KIF25: variants seen among roughly 807,000 people sequenced by gnomAD.
The protein encoded by KIF25 is kinesin-like protein KIF25.
In KIF25, 19 loss-of-function variants were observed where a neutral mutation model predicts 32.9. The ratio of observed to expected loss-of-function variants is 0.58; its 90% CI spans 0.40 to 0.85. The LOEUF is 0.85. KIF25 is among the 40% of genes least tolerant of loss of function. KIF25 has a pLI of 0.00. For synonymous variants in KIF25, 225 were observed against 213.7 expected, an observed-to-expected ratio of 1.05 and a Z score of -0.46; for missense variants, 485 against 507.0, an observed-to-expected ratio of 0.96 and a Z score of 0.42.
At chr6:168,027,469 AAAAAAAG>A (rs1217508008) in intron 5 of KIF25, among the ~76,000 whole-genome samples, 1 of 135,884 alleles carries the variant, frequency 7.4e-6, no homozygotes, top group African/African-American at 2.7e-5. Flanking sequence ...AAAAAAAAAA[AAAAAAAG>A]AGAGAGAGAG....
At chr6:168,019,656 G>A (rs914075006) in intron 5 of KIF25, among the ~76,000 whole-genome samples, 1 of 152,168 alleles carries the variant, frequency 6.6e-6, no homozygotes, top group African/African-American at 2.4e-5. Flanking sequence ...GCCCCTGGAC[G>A]GCACACTTGA....
chr6:168,040,433 G>A (rs1799102168), intron 10 of KIF25, among the ~76,000 whole-genome samples: 1 of 152,276 alleles, frequency 6.6e-6, no homozygotes, highest in South Asian at 2.1e-4. Flanking sequence ...GAGTATGGTG[G>A]TGCAAGCCTG....
chr6:168,038,051 G>A (rs1026702527), intron 8 of KIF25, among the ~76,000 whole-genome samples: 7 of 152,120 alleles, frequency 4.6e-5, no homozygotes, highest in Admixed American at 1.3e-4. Flanking sequence ...CTGGTTTTAC[G>A]GGTCTTGCAG....
At chr6:168,032,176 C>A (rs886247366) in intron 7 of KIF25, among the ~76,000 whole-genome samples, 15 of 152,244 alleles carry the variant, frequency 9.9e-5, no homozygotes, top group African/African-American at 3.1e-4. Context: ...TGTCCGGCCC[C>A]CACTTCCCGT....
At position 168,045,024 on chromosome 6, in the gene KIF25, CTG is replaced by C. The variant is rs554850107; in HGVS notation, c.*32_*33del. ...GCATTAACAAGTTTTTCTCCTAAAA[CTG>C]TGTTTCTTGTCCTTGCTTTATAATG... On this transcript the variant is annotated 3_prime_UTR_variant, in exon 13 of 13. Coordinates refer to ENST00000643607, the MANE Select transcript of KIF25 (RefSeq NM_030615.4). 3.8e-6 allele frequency: 6 copies of C among 1,566,268 alleles called. No individual in the cohort carries two copies. The South Asian group carries it at 7.0e-5, about 18-fold the overall frequency.
At chr6:168,034,692 G>T (rs1053390261) in intron 8 of KIF25, among the ~76,000 whole-genome samples, 5 of 152,122 alleles carry the variant, frequency 3.3e-5, no homozygotes, top group Non-Finnish European at 7.3e-5. Flanking sequence ...TCCTTCCGTC[G>T]CCCTTCCTCC....
At chr6:168,000,668 T>C (rs1798488003) in intron 2 of KIF25, among the ~76,000 whole-genome samples, 1 of 146,678 alleles carries the variant, frequency 6.8e-6, no homozygotes, top group African/African-American at 2.5e-5. Context: ...CCCACTCCCA[T>C]CCTGACCACA....
chr6:168,022,624 A>G (rs1241413197), intron 5 of KIF25, among the ~76,000 whole-genome samples: 4 of 151,914 alleles, frequency 2.6e-5, no homozygotes, highest in Admixed American at 6.6e-5. Context: ...AGAATGTTCT[A>G]TTGTGTCTGG....
In KIF25 at chr6:167,998,466, T is replaced by C. The variant is rs1398885802; in HGVS notation, c.-1003T>C. ...CATGACAGGGTGGATAAACTTGCTG[T>C]GGATCCAAGACAAGATTTCAGAATG... On this transcript the variant is annotated 5_prime_UTR_variant, in exon 1 of 13. Transcript: ENST00000643607. The C allele has an allele frequency of 6.6e-6, 1 of 152,192 alleles. No homozygotes were observed. Among genetic ancestry groups the C allele is most frequent in the Non-Finnish European group, 1.5e-5 (1 of 68,042 alleles). The allele number at this position is 152,192 out of a possible 1,614,324, so 9.4% of individuals were successfully genotyped here.
At chr6:168,004,860 G>C (rs748892075) in intron 4 of KIF25, among the ~76,000 whole-genome samples, 2 of 152,212 alleles carry the variant, frequency 1.3e-5, no homozygotes, top group African/African-American at 4.8e-5. Flanking sequence ...GTGGGACACA[G>C]TGGGACTGAT....
intron 11 of KIF25, 100 bp from the exon 12 acceptor site, chr6:168,042,461 C>G: frequency 6.9e-7 from 1 of 1,455,546 alleles, no homozygotes; most frequent in Non-Finnish European, 9.4e-7. Flanking sequence ...ATGGCCTCCC[C>G]TCTACCTGCC....
intron 4 of KIF25, among the ~76,000 whole-genome samples, chr6:168,009,585 T>C (rs1187012498): frequency 2.0e-5 from 3 of 152,170 alleles, no homozygotes; most frequent in Non-Finnish European, 4.4e-5. Context: ...GCTGGCCTTG[T>C]AGAATGAGTT....
At chr6:168,039,676 C>T (rs748921697) in intron 9 of KIF25, among the ~76,000 whole-genome samples, 24 of 152,226 alleles carry the variant, frequency 1.6e-4, no homozygotes, top group Non-Finnish European at 2.9e-4. Context: ...CTCTGATTAG[C>T]AGTCATATCT....
intron 5 of KIF25, among the ~76,000 whole-genome samples, chr6:168,027,657 C>T (rs529071575): frequency 3.3e-5 from 5 of 152,176 alleles, no homozygotes; most frequent in South Asian, 2.1e-4. Flanking sequence ...CCACTGGCAC[C>T]GGGACCGCCC....
chr6:168,006,867 G>A (rs1419586106), intron 4 of KIF25, among the ~76,000 whole-genome samples: 1 of 152,154 alleles, frequency 6.6e-6, no homozygotes, highest in African/African-American at 2.4e-5. Context: ...TTAGTTAACG[G>A]ACTGATAGCC....
At chr6:168,023,269 CTTTTT>C (rs34667438) in intron 5 of KIF25, among the ~76,000 whole-genome samples, 5 of 111,912 alleles carry the variant, frequency 4.5e-5, no homozygotes, top group East Asian at 2.9e-4. Flanking sequence ...TTCCTTCTTC[CTTTTT>C]TTTTTTTTTT....
intron 4 of KIF25, among the ~76,000 whole-genome samples, chr6:168,012,369 A>G (rs1001444572): frequency 3.9e-5 from 6 of 152,166 alleles, no homozygotes; most frequent in Non-Finnish European, 7.3e-5. Flanking sequence ...ATGGTTCTAG[A>G]TGGACACAGC....
intron 4 of KIF25, among the ~76,000 whole-genome samples, chr6:168,013,926 CCTTT>C (rs904055585): frequency 6.6e-6 from 1 of 152,082 alleles, no homozygotes; most frequent in African/African-American, 2.4e-5. Context: ...TTGCCTTGGT[CCTTT>C]CTTGGGCAGA....
intron 4 of KIF25, among the ~76,000 whole-genome samples, chr6:168,005,716 T>C (rs557900149): frequency 2.6e-5 from 4 of 152,322 alleles, no homozygotes; most frequent in Admixed American, 1.3e-4. Flanking sequence ...GGGAGAAGGA[T>C]GTAGGCTGGG....
Sources: gnomAD v4.1 joint callset for allele counts (sites outside exome capture counted in the v4.1 genomes callset) on GRCh38, gnomAD v4.1.1 for gene constraint, MANE v1.5 for transcripts, NCBI Gene and HGNC (gene_info 2026-07-23, HGNC 2026-07-21) for gene names.